The following COL28A1 variants were observed in gnomAD, a reference collection of about 807,000 sequenced individuals.
COL28A1 encodes collagen type XXVIII alpha 1 chain, also known as collagen alpha-1(XXVIII) chain.
A neutral mutation model predicts 150.2 loss-of-function variants in COL28A1; 161 were observed. That is an observed-to-expected ratio of 1.07 (90% CI 0.94 to 1.22). COL28A1 has a LOEUF of 1.22. Among genes scored for constraint, COL28A1 ranks in the 50% most tolerant of loss-of-function variants. COL28A1 has a pLI of 0.00. For synonymous variants in COL28A1, 552 were observed against 469.7 expected (o/e 1.18, Z -2.26); for missense variants, 1,617 against 1,388.3 (o/e 1.16, Z -2.62).
At chr7:7,516,997 T>G (rs532163885) in intron 7 of COL28A1, among the ~76,000 whole-genome samples, 1 of 152,192 alleles carries the variant, frequency 6.6e-6, no homozygotes, top group Non-Finnish European at 1.5e-5. Context: ...TATGAGATAA[T>G]AAGCTTTTTA....
intron 18 of COL28A1, among the ~76,000 whole-genome samples, chr7:7,444,927 C>T (rs1207765461): frequency 1.3e-5 from 2 of 151,984 alleles, no homozygotes; most frequent in Non-Finnish European, 2.9e-5. Context: ...TGGGGGTGGA[C>T]CTCCCCCTTG....
In COL28A1 at chr7:7,485,658, T is replaced by G. The variant is rs150161104; in HGVS notation, c.1164+3731A>C. Among the ~76,000 whole-genome samples the G allele has an allele frequency of 1.7e-3, 263 of 152,322 alleles. 2 individuals carry two copies. Among genetic ancestry groups the G allele is most frequent in the African/African-American group, 5.9e-3 (244 of 41,580 alleles). ...TTTTGTATAAGGTGTGAGACTTAAA[T>G]TGAGGTTAATTTTTTGTGTTTGCAC... On this transcript the variant is annotated intron_variant, in intron 13 of 34. Coordinates refer to ENST00000399429, the MANE Select transcript of COL28A1 (RefSeq NM_001037763.3).
Position 7,374,038 on chromosome 7 carries a change from A to AAAAAATAT in COL28A1, c.2360-493_2360-492insATATTTTT. 1.3e-3 allele frequency among the ~76,000 whole-genome samples: 150 copies of AAAAAATAT among 113,602 alleles called. 1 individual carries two copies. The highest frequency in any genetic ancestry group is 5.5e-3 in the African/African-American group (146 of 26,388). 74.5% of individuals were successfully genotyped at this position (113,602 alleles called of 152,430 possible). A position where few individuals can be genotyped will look rare whatever the true frequency, so the allele number is the denominator to read the frequency against. On this transcript the variant is annotated intron_variant, in intron 31 of 34. Coordinates refer to ENST00000399429, the MANE Select transcript of COL28A1 (RefSeq NM_001037763.3). ...TACTTGACTCTTAAAAAAAAAAAAAAATATATATATATATATATATATACT... is the reference window on the plus strand; with the variant it reads ...TACTTGACTCTTAAAAAAAAAAAAAAAAAAATATATATATATATATATATATATATACT...
chr7:7,516,125 A>G (rs1039155743), intron 7 of COL28A1, among the ~76,000 whole-genome samples: 2 of 152,250 alleles, frequency 1.3e-5, no homozygotes, highest in African/African-American at 4.8e-5. Flanking sequence ...TAGAGGAGAT[A>G]ATGTACACTG....
chr7:7,463,280 G>A (rs1444180871), intron 15 of COL28A1, among the ~76,000 whole-genome samples: 1 of 152,032 alleles, frequency 6.6e-6, no homozygotes, highest in Non-Finnish European at 1.5e-5. Context: ...ACAGCTGTGA[G>A]GCAAAAACAC....
chr7:7,507,297 T>G lies in COL28A1; in HGVS notation c.928-136A>C. On this transcript the variant is annotated intron_variant, in intron 9 of 34. Coordinates refer to ENST00000399429, the MANE Select transcript of COL28A1 (RefSeq NM_001037763.3). ...TATCTTAACATCAAAGGCAATAAAC[T>G]GAAATAATCCTAATTAACAAGCCAA... 6 of 538,822 alleles carry G rather than the reference T, an allele frequency of 1.1e-5. No individual in the cohort carries two copies. The South Asian group carries it at 1.9e-4, about 17-fold the overall frequency. The allele number at this position is 538,822 out of a possible 1,614,324, so 33.4% of individuals were successfully genotyped here.
Position 7,419,905 on chromosome 7 carries a change from C to G in COL28A1, c.2047G>C (p.Val683Leu). 2 of 1,600,398 alleles carry G rather than the reference C, an allele frequency of 1.2e-6. No homozygotes were observed. Among genetic ancestry groups the G allele is most frequent in the Non-Finnish European group, 1.7e-6 (2 of 1,173,834 alleles). Residue 683 changes from valine to leucine, a missense_variant, in exon 26 of 35, where the codon GTA becomes CTA. By Grantham distance (32) the Val-to-Leu change is conservative. Transcript: ENST00000399429. ...CTCACCTTTGGCCCTTGGGTTCCTACGCCCCGAGGCCCAGAAGGACCTGGA... is the reference window on the plus strand; with the variant it reads ...CTCACCTTTGGCCCTTGGGTTCCTAGGCCCCGAGGCCCAGAAGGACCTGGA... ...GPPGPSGPRGVGTQGPKGDTG... is the reference protein window; with the variant it reads ...GPPGPSGPRGLGTQGPKGDTG...
At chr7:7,363,266 A>G (rs1027106798) in intron 33 of COL28A1, among the ~76,000 whole-genome samples, 1 of 152,142 alleles carries the variant, frequency 6.6e-6, no homozygotes, top group African/African-American at 2.4e-5. Flanking sequence ...TTAAATCTTT[A>G]CCTTGTTCAA....
At chr7:7,529,672 T>C (rs7782245) in intron 3 of COL28A1, among the ~76,000 whole-genome samples, 9,834 of 152,266 alleles carry the variant, frequency 0.065, 423 homozygotes, top group Middle Eastern at 0.21. Context: ...CCTACACCTG[T>C]GGCCAAACAA....
At position 7,520,058 on chromosome 7, in the gene COL28A1, T is replaced by A; in HGVS notation, c.813+4A>T. 7.6e-7 allele frequency: 1 copy of A among 1,311,678 alleles called. No individual in the cohort carries two copies. Among genetic ancestry groups the A allele is most frequent in the Middle Eastern group, 1.8e-4 (1 of 5,514 alleles). The allele number at this position is 1,311,678 out of a possible 1,614,324, so 81.3% of individuals were successfully genotyped here. A position where few individuals can be genotyped will look rare whatever the true frequency, so the allele number is the denominator to read the frequency against. On this transcript the variant is annotated splice_donor_region_variant and intron_variant, in intron 6 of 34. Transcript: ENST00000399429. ...GTTTAAAGAAAAGCTGTTTATTCATTTACCGGGTTTCCTTTTGGTCCTCGC... is the reference window on the plus strand; with the variant it reads ...GTTTAAAGAAAAGCTGTTTATTCATATACCGGGTTTCCTTTTGGTCCTCGC...
In COL28A1 at chr7:7,373,651, C is replaced by T; in HGVS notation, c.2360-105G>A. ...TGATGAACCTGAGACCTAAACTATT[C>T]TCTTCCTTTTCTGTGATTGTGAAAA... On this transcript the variant is annotated intron_variant, in intron 31 of 34. Transcript: ENST00000399429. The surrounding 1 kb of genome is among the most constrained non-coding windows in gnomAD (Gnocchi z 4.1). 1 of 854,144 alleles carries T rather than the reference C, an allele frequency of 1.2e-6. No individual in the cohort carries two copies. The highest frequency in any genetic ancestry group is 1.7e-5 in the African/African-American group (1 of 58,670). 52.9% of individuals were successfully genotyped at this position (854,144 alleles called of 1,614,324 possible).
chr7:7,462,783 C>A (rs542873645), intron 15 of COL28A1, among the ~76,000 whole-genome samples: 1 of 151,424 alleles, frequency 6.6e-6, no homozygotes, highest in African/African-American at 2.4e-5. Flanking sequence ...CACTTGAACC[C>A]GGGAGGCAGA....
chr7:7,471,443 T>C (rs77095219), intron 15 of COL28A1, among the ~76,000 whole-genome samples: 8,606 of 152,208 alleles, frequency 0.057, 826 homozygotes, highest in African/African-American at 0.2. Context: ...CCAATATCCC[T>C]CATGAACATA....
intron 27 of COL28A1, among the ~76,000 whole-genome samples, chr7:7,415,047 G>T (rs1234423074): frequency 6.6e-6 from 1 of 152,224 alleles, no homozygotes; most frequent in African/African-American, 2.4e-5. Context: ...CTGAATGAAT[G>T]AATGACTGGC....
chr7:7,530,156 G>C (rs1275628405), intron 3 of COL28A1, among the ~76,000 whole-genome samples: 1 of 152,084 alleles, frequency 6.6e-6, no homozygotes, highest in African/African-American at 2.4e-5. Flanking sequence ...CAAACTGTGA[G>C]GTCTTCACCG....
intron 9 of COL28A1, among the ~76,000 whole-genome samples, chr7:7,510,534 C>T (rs569174357): frequency 6.6e-6 from 1 of 152,232 alleles, no homozygotes; most frequent in Non-Finnish European, 1.5e-5. Flanking sequence ...ATCCACCCAC[C>T]TTGGCCTCCC....
chr7:7,386,400 C>CA (rs1298596590), intron 27 of COL28A1, among the ~76,000 whole-genome samples: 1 of 152,142 alleles, frequency 6.6e-6, no homozygotes, highest in Non-Finnish European at 1.5e-5. Flanking sequence ...GCCCCAACAA[C>CA]AAAAAATGAG....
In COL28A1 at chr7:7,532,974, T is replaced by G. The variant is rs1015351373; in HGVS notation, c.-37-62A>C. 18 of 1,383,014 alleles carry G rather than the reference T, an allele frequency of 1.3e-5. No individual in the cohort carries two copies. The African/African-American group carries it at 2.1e-4, about 16-fold the overall frequency. The allele number at this position is 1,383,014 out of a possible 1,614,324, so 85.7% of individuals were successfully genotyped here. A position where few individuals can be genotyped will look rare whatever the true frequency, so the allele number is the denominator to read the frequency against. ...AATATGGTGTTTGTTATTTTTAAAT[T>G]TCAAGCCAGCAGGGTTGAAAACTGG... On this transcript the variant is annotated intron_variant, in intron 1 of 34. Transcript: ENST00000399429.
chr7:7,372,516 A>C (rs1781291575), intron 32 of COL28A1, among the ~76,000 whole-genome samples: 1 of 152,214 alleles, frequency 6.6e-6, no homozygotes, highest in Admixed American at 6.5e-5. Context: ...AAAACAGAGA[A>C]TAGAACATCC....
Sources: allele counts gnomAD v4.1 joint callset (sites outside exome capture counted in the v4.1 genomes callset), GRCh38; gene constraint gnomAD v4.1.1; non-coding constraint Gnocchi (gnomAD v3.1); transcripts MANE v1.5; gene names NCBI Gene and HGNC (gene_info 2026-07-23, HGNC 2026-07-21).